Variants in PDS5B observed in about 807,000 individuals in gnomAD.
PDS5B encodes PDS5 cohesin associated factor B, also known as sister chromatid cohesion protein PDS5 homolog B.
PDS5B carries 51 observed loss-of-function variants against 184.1 expected under a neutral mutation model. That is an observed-to-expected ratio of 0.28 (90% CI 0.22 to 0.35). PDS5B has a LOEUF of 0.35. Ranked by LOEUF, PDS5B falls within the 10% of genes least tolerant of loss-of-function variation. PDS5B has a pLI of 1.00. For synonymous variants in PDS5B, 566 were observed against 569.2 expected, an observed-to-expected ratio of 0.99 and a Z score of 0.08; for missense variants, 1,180 against 1,723.3, an observed-to-expected ratio of 0.68 and a Z score of 5.58.
chr13:32,600,353 T>C (rs186513602), intron 1 of PDS5B, among the ~76,000 whole-genome samples: 1 of 152,372 alleles, frequency 6.6e-6, no homozygotes, highest in African/African-American at 2.4e-5. Flanking sequence ...CTAAACTCTT[T>C]TTATCTTCCC....
At position 32,701,316 on chromosome 13, in the gene PDS5B, A is replaced by G; in HGVS notation, c.1741-7A>G. On this transcript the variant is annotated splice_region_variant and splice_polypyrimidine_tract_variant and intron_variant, in intron 16 of 34. Coordinates refer to ENST00000315596, the MANE Select transcript of PDS5B (RefSeq NM_015032.4). ...CTTTTGTAATACTGAAATAATCTGT[A>G]TTACAGCGTGAAATAACTAAGAAGT... The G allele has an allele frequency of 5.6e-6, 8 of 1,426,008 alleles. No individual in the cohort carries two copies. Among genetic ancestry groups the G allele is most frequent in the Non-Finnish European group, 7.9e-6 (8 of 1,009,944 alleles). 88.3% of individuals were successfully genotyped at this position (1,426,008 alleles called of 1,614,324 possible).
intron 6 of PDS5B, among the ~76,000 whole-genome samples, chr13:32,667,372 T>A (rs1950826867): frequency 6.6e-6 from 1 of 152,330 alleles, no homozygotes. Flanking sequence ...TGCCCATCGC[T>A]GCCCACACTA....
intron 1 of PDS5B, among the ~76,000 whole-genome samples, chr13:32,616,797 G>A (rs754322995): frequency 6.6e-6 from 1 of 152,098 alleles, no homozygotes; most frequent in African/African-American, 2.4e-5. Context: ...AACATATTGC[G>A]AACACTCTCA....
intron 6 of PDS5B, 102 bp from the exon 7 acceptor site, chr13:32,667,662 T>C (rs1950837608): frequency 2.9e-6 from 2 of 681,844 alleles, no homozygotes; most frequent in South Asian, 4.1e-5. Flanking sequence ...AATTGAGTCT[T>C]AGTTTTTTCA....
At chr13:32,609,565 C>T (rs552075361) in intron 1 of PDS5B, among the ~76,000 whole-genome samples, 83 of 152,260 alleles carry the variant, frequency 5.5e-4, no homozygotes, top group African/African-American at 1.9e-3. Context: ...AATTCTGGAC[C>T]ATTAGCAGTC....
intron 19 of PDS5B, among the ~76,000 whole-genome samples, chr13:32,714,740 ATTG>A (rs1394690212): frequency 1.3e-5 from 2 of 152,098 alleles, no homozygotes; most frequent in Admixed American, 6.6e-5. Context: ...TCCCTGAACG[ATTG>A]TTGTTATCCT....
Position 32,709,967 on chromosome 13 carries a change from A to C in PDS5B, c.1984A>C (p.Ile662Leu). 1 of 1,478,034 alleles carries C rather than the reference A, an allele frequency of 6.8e-7. No homozygotes were observed. Among genetic ancestry groups the C allele is most frequent in the Non-Finnish European group, 9.1e-7 (1 of 1,096,062 alleles). The allele number at this position is 1,478,034 out of a possible 1,614,324, so 91.6% of individuals were successfully genotyped here. A position where few individuals can be genotyped will look rare whatever the true frequency, so the allele number is the denominator to read the frequency against. Residue 662 changes from isoleucine to leucine, a missense_variant, in exon 19 of 35, where the codon ATC (isoleucine) becomes CTC (leucine). Ile to Leu is a conservative substitution (Grantham distance 5). Transcript: ENST00000315596. ...LLKVLSFTHPISFHSAETFES... is the reference protein window; with the variant it reads ...LLKVLSFTHPLSFHSAETFES... Reference sequence around the variant, plus strand: ...ATAGGTACTCTCATTTACACATCCCATCTCATTTCATTCTGCTGAAACATT... The same window carrying C: ...ATAGGTACTCTCATTTACACATCCCCTCTCATTTCATTCTGCTGAAACATT...
At chr13:32,599,909 T>C (rs2057946479) in intron 1 of PDS5B, among the ~76,000 whole-genome samples, 1 of 152,090 alleles carries the variant, frequency 6.6e-6, no homozygotes, top group South Asian at 2.1e-4. Context: ...AATGAGACTC[T>C]GTCTCAAAAA....
intron 1 of PDS5B, among the ~76,000 whole-genome samples, chr13:32,592,506 C>T (rs1374400436): frequency 1.3e-5 from 2 of 152,076 alleles, no homozygotes; most frequent in African/African-American, 4.8e-5. Context: ...ATCTGCCCGC[C>T]TTGGCCTCTC....
chr13:32,659,360 G>T, intron 6 of PDS5B, 80 bp downstream of exon 6: 1 of 1,012,920 alleles, frequency 9.9e-7, no homozygotes, highest in Non-Finnish European at 1.4e-6. Flanking sequence ...TTCTAAATAT[G>T]GTTTATCCTG....
At chr13:32,770,859 AT>A in intron 33 of PDS5B, 98 bp downstream of exon 33, 1 of 851,604 alleles carries the variant, frequency 1.2e-6, no homozygotes, top group South Asian at 1.7e-5. Flanking sequence ...AATTCCATAT[AT>A]TTAGCCCCAT....
At chr13:32,642,263 C>T (rs1209279202) in intron 1 of PDS5B, among the ~76,000 whole-genome samples, 1 of 152,038 alleles carries the variant, frequency 6.6e-6, no homozygotes, top group African/African-American at 2.4e-5. Context: ...TCATTATTTC[C>T]TGAGTGCCTA....
At chr13:32,701,516 C>T (rs1461825911) in intron 17 of PDS5B, 78 bp downstream of exon 17, 4 of 807,604 alleles carry the variant, frequency 5.0e-6, no homozygotes, top group Non-Finnish European at 8.3e-6. Flanking sequence ...TGTTGAGTGC[C>T]TGCTATATCT....
At position 32,612,730 on chromosome 13, in the gene PDS5B, G is replaced by A. The variant is rs140310954; in HGVS notation, c.-20+26137G>A. ...CACAGGAGTGGATTCATTATAAAAG[G>A]GGAGGCCCTTTTCTCTTTCTTTTGC... On this transcript the variant is annotated intron_variant, in intron 1 of 34. Coordinates refer to ENST00000315596, the MANE Select transcript of PDS5B (RefSeq NM_015032.4). 4.3e-3 allele frequency among the ~76,000 whole-genome samples: 651 copies of A among 152,258 alleles called. 7 individuals carry two copies. The highest frequency in any genetic ancestry group is 0.015 in the African/African-American group (607 of 41,536).
chr13:32,667,735 A>G (rs1190630692), intron 6 of PDS5B, 29 bp from the exon 7 acceptor site: 2 of 1,378,344 alleles, frequency 1.5e-6, no homozygotes, highest in African/African-American at 1.5e-5. Context: ...TTAGAGATAT[A>G]TAATATAGAT....
intron 13 of PDS5B, chr13:32,689,424 C>T (rs983097866): frequency 6.6e-6 from 1 of 151,946 alleles, no homozygotes; most frequent in Non-Finnish European, 1.5e-5. Flanking sequence ...TTCCTACCTG[C>T]TGTATTTCAG....
At chr13:32,628,801 A>G (rs972535092) in intron 1 of PDS5B, among the ~76,000 whole-genome samples, 1 of 152,150 alleles carries the variant, frequency 6.6e-6, no homozygotes, top group Admixed American at 6.5e-5. Flanking sequence ...TAATGACTGC[A>G]TAATATTCCA....
At position 32,638,932 on chromosome 13, in the gene PDS5B, T is replaced by G. The variant is rs927440215; in HGVS notation, c.-19-9822T>G. On this transcript the variant is annotated intron_variant, in intron 1 of 34. Coordinates refer to ENST00000315596, the MANE Select transcript of PDS5B (RefSeq NM_015032.4). ...TCCGTTTGATGGCGCTTCTGTTTTCTCAATGAAGCAACAGCAGTCTACATG... is the reference window on the plus strand; with the variant it reads ...TCCGTTTGATGGCGCTTCTGTTTTCGCAATGAAGCAACAGCAGTCTACATG... Among the ~76,000 whole-genome samples, 6 of 152,026 alleles carry G rather than the reference T, an allele frequency of 3.9e-5. No individual in the cohort carries two copies. The South Asian group carries it at 1.3e-3, about 32-fold the overall frequency.
chr13:32,688,433 A>T, intron 12 of PDS5B, 23 bp from the exon 13 acceptor site: 1 of 1,200,880 alleles, frequency 8.3e-7, no homozygotes, highest in Admixed American at 2.1e-5. Context: ...AATCAATACA[A>T]TGCCTTCTCT....
Sources: gnomAD v4.1 joint callset for allele counts (sites outside exome capture counted in the v4.1 genomes callset) on GRCh38, gnomAD v4.1.1 for gene constraint, MANE v1.5 for transcripts, NCBI Gene and HGNC (gene_info 2026-07-23, HGNC 2026-07-21) for gene names.